Variants in LRP5 observed in about 807,000 individuals in gnomAD.
The protein encoded by LRP5 is low-density lipoprotein receptor-related protein 5.
Under a neutral mutation model 154.1 loss-of-function variants are expected in LRP5, and 62 were observed. That is an observed-to-expected ratio of 0.40 (90% CI 0.33 to 0.50). The LOEUF is 0.50. Among genes scored for constraint, LRP5 ranks in the 20% least tolerant of loss-of-function variants. The pLI is 0.55. For missense variants in LRP5, 1,915 were observed against 2,336.7 expected (o/e 0.82, Z 3.72); for synonymous variants, 966 against 1,011.5 (o/e 0.96, Z 0.85).
rs2098670813 is a variant in LRP5 at position 68,429,602 on chromosome 11, G to A, written c.3665G>A (p.Gly1222Asp). Residue 1222 changes from glycine (G) to aspartate (D), a missense_variant, in exon 17 of 23, where the codon GGT becomes GAT. Around this residue, in one of 3 missense-constraint regions of LRP5, gnomAD observed 1,094 missense variants for 1,210.1 expected, o/e 0.90. Transcript: ENST00000294304. ...GCCCACCCATGTGCCCGTGACAATG[G>A]TGGCTGCTCCCACATCTGTATTGCC... ...FSAHPCARDNGGCSHICIAKG... is the reference protein window; with the variant it reads ...FSAHPCARDNDGCSHICIAKG... 6.2e-7 allele frequency: 1 copy of A among 1,614,156 alleles called. No individual in the cohort carries two copies. The highest frequency in any genetic ancestry group is 1.6e-4 in the Middle Eastern group (1 of 6,062).
intron 1 of LRP5, among the ~76,000 whole-genome samples, chr11:68,317,009 T>G (rs2098593811): frequency 6.6e-6 from 1 of 152,380 alleles, no homozygotes; most frequent in South Asian, 2.1e-4. Context: ...GGTCCTCGGC[T>G]TGGTGGCCTT....
chr11:68,435,700 T>TATGCCATGCC (rs1024205021), intron 18 of LRP5, among the ~76,000 whole-genome samples: 1 of 152,282 alleles, frequency 6.6e-6, no homozygotes, highest in Non-Finnish European at 1.5e-5. Flanking sequence ...TATGCTATGC[T>TATGCCATGCC]ATGCCATGCC....
At chr11:68,345,677 A>G (rs73496742) in intron 1 of LRP5, among the ~76,000 whole-genome samples, 9 of 152,282 alleles carry the variant, frequency 5.9e-5, no homozygotes, top group African/African-American at 2.2e-4. Flanking sequence ...TCTTTTGGGT[A>G]TATAACCCAA....
rs1293178936 is a variant in LRP5 at position 68,312,821 on chromosome 11, C to T, written c.91+16C>T. 1 of 1,035,034 alleles carries T rather than the reference C, an allele frequency of 9.7e-7. No homozygotes were observed. Among genetic ancestry groups the T allele is most frequent in the Non-Finnish European group, 1.2e-6 (1 of 864,050 alleles). The allele number at this position is 1,035,034 out of a possible 1,614,324, so 64.1% of individuals were successfully genotyped here. On this transcript the variant is annotated intron_variant, in intron 1 of 22. Transcript: ENST00000294304. ...CCCGCCGCGGGTAGGTGGGCGCAGG[C>T]CGGCCGGGGGCCGCGGGTTGCTCGG...
At chr11:68,357,579 C>A (rs2098624152) in intron 2 of LRP5, 71 bp from the exon 3 acceptor site, 1 of 1,384,030 alleles carries the variant, frequency 7.2e-7, no homozygotes. Context: ...TGTTTCATGT[C>A]TGCATCTATG....
At chr11:68,326,486 A>C (rs2098599756) in intron 1 of LRP5, among the ~76,000 whole-genome samples, 1 of 152,232 alleles carries the variant, frequency 6.6e-6, no homozygotes, top group Admixed American at 6.5e-5. Flanking sequence ...CCCTCTGCCC[A>C]AGGTCCCTGC....
chr11:68,343,640 G>A (rs1341212771), intron 1 of LRP5, among the ~76,000 whole-genome samples: 1 of 152,126 alleles, frequency 6.6e-6, no homozygotes, highest in Non-Finnish European at 1.5e-5. Flanking sequence ...TGGGTGTGCC[G>A]CGGGTGTCCT....
intron 3 of LRP5, among the ~76,000 whole-genome samples, chr11:68,361,814 C>T (rs1321868712): frequency 6.6e-6 from 1 of 152,070 alleles, no homozygotes; most frequent in Non-Finnish European, 1.5e-5. Context: ...AGAGCAAGAC[C>T]CTGTCTCAGA....
intron 1 of LRP5, among the ~76,000 whole-genome samples, chr11:68,334,112 T>C (rs1374746812): frequency 6.6e-6 from 1 of 152,172 alleles, no homozygotes; most frequent in Admixed American, 6.5e-5. Context: ...TGGGCACCTG[T>C]AATCCCAGCT....
At chr11:68,357,606 A>T in intron 2 of LRP5, 44 bp from the exon 3 acceptor site, 1 of 1,581,802 alleles carries the variant, frequency 6.3e-7, no homozygotes, top group Non-Finnish European at 8.7e-7. Flanking sequence ...AAAACAAAAA[A>T]CAGATCTGTG....
Position 68,312,928 on chromosome 11 carries a change from TG to T in LRP5, c.91+127del. The T allele has an allele frequency of 5.1e-6, 2 of 393,472 alleles. 1 individual carries two copies. The highest frequency in any genetic ancestry group is 6.9e-6 in the Non-Finnish European group (2 of 289,368). The allele number at this position is 393,472 out of a possible 1,614,324, so 24.4% of individuals were successfully genotyped here. ...GCGACTTGGCGAGTTGGGAGCGAGT[TG>T]GGGCGCGCGCCCGGGATCCCCCTGC... On this transcript the variant is annotated intron_variant, in intron 1 of 22. Coordinates refer to ENST00000294304, the MANE Select transcript of LRP5 (RefSeq NM_002335.4).
In LRP5 at chr11:68,386,579, G is replaced by A; in HGVS notation, c.1279G>A (p.Ala427Thr). 6.2e-7 allele frequency: 1 copy of A among 1,613,810 alleles called. No homozygotes were observed. The highest frequency in any genetic ancestry group is 8.5e-7 in the Non-Finnish European group (1 of 1,179,952). Residue 427 changes from alanine to threonine, a missense_variant, in exon 6 of 23, where the codon GCC (alanine) becomes ACC (threonine). Transcript: ENST00000294304. The surrounding 1 kb of genome is among the most constrained non-coding windows in gnomAD (Gnocchi z 7.9). The stretch of plus-strand genomic sequence containing the variant: ...CGATGGCATCGCGGTCGACTGGGTG[G>A]CCCGAAACCTCTACTGGACCGACAC... Reference protein sequence around the residue: ...DPDGIAVDWVARNLYWTDTGT... With the variant: ...DPDGIAVDWVTRNLYWTDTGT...
At chr11:68,350,910 G>A (rs989833554) in intron 2 of LRP5, among the ~76,000 whole-genome samples, 3 of 152,282 alleles carry the variant, frequency 2.0e-5, no homozygotes, top group South Asian at 2.1e-4. Flanking sequence ...GTGTGTGTGC[G>A]TGTGCACGCA....
intron 21 of LRP5, chr11:68,445,470 G>T (rs2153184668): frequency 2.0e-6 from 1 of 498,222 alleles, no homozygotes; most frequent in East Asian, 6.0e-5. Context: ...CTTCACCCGG[G>T]TCTGTCTGGC....
At chr11:68,405,979 A>T (rs1428700519) in intron 8 of LRP5, among the ~76,000 whole-genome samples, 1 of 152,264 alleles carries the variant, frequency 6.6e-6, no homozygotes, top group Admixed American at 6.5e-5. Flanking sequence ...AGGCTGGACC[A>T]CTGGGCTGGC....
chr11:68,409,341 T>A (rs2098658101), intron 9 of LRP5, among the ~76,000 whole-genome samples: 1 of 145,628 alleles, frequency 6.9e-6, no homozygotes, highest in East Asian at 2.0e-4. Flanking sequence ...TAATGTATAT[T>A]TTTTAATGTA....
chr11:68,390,896 C>T (rs577925012), intron 7 of LRP5, among the ~76,000 whole-genome samples: 3 of 152,376 alleles, frequency 2.0e-5, no homozygotes, highest in African/African-American at 4.8e-5. Context: ...GTCCCATGGG[C>T]GTGCTTTGGC....
chr11:68,348,274 A>G (rs770198629), intron 2 of LRP5, 31 bp downstream of exon 2: 1 of 1,600,616 alleles, frequency 6.2e-7, no homozygotes, highest in South Asian at 1.1e-5. Flanking sequence ...ACCTGGGTCC[A>G]GGGGGCGGGG....
intron 5 of LRP5, among the ~76,000 whole-genome samples, chr11:68,369,975 C>T (rs1334878661): frequency 2.0e-5 from 3 of 152,190 alleles, no homozygotes; most frequent in Non-Finnish European, 2.9e-5. Context: ...CATGTTGTCA[C>T]CATGACCGGC....
Sources: allele counts gnomAD v4.1 joint callset (sites outside exome capture counted in the v4.1 genomes callset), GRCh38; gene constraint gnomAD v4.1.1; regional missense constraint gnomAD v4.1.1; non-coding constraint Gnocchi (gnomAD v3.1); transcripts MANE v1.5; gene names NCBI Gene and HGNC (gene_info 2026-07-23, HGNC 2026-07-21).